The following GREM2 variants were observed in gnomAD, a reference collection of about 807,000 sequenced individuals.
GREM2 encodes the protein gremlin-2.
A neutral mutation model predicts 14.2 loss-of-function variants in GREM2; 11 were observed. The observed-to-expected ratio is 0.78, with a 90% confidence interval of 0.49 to 1.28. The LOEUF (loss-of-function observed/expected upper bound fraction) is 1.28, where lower values mean the gene tolerates loss of function less well. Ranked by LOEUF, GREM2 falls within the 50% of genes most tolerant of loss-of-function variation. GREM2 has a pLI of 0.00. For synonymous variants in GREM2, 98 were observed against 97.6 expected, an observed-to-expected ratio of 1.00 and a Z score of -0.02; for missense variants, 210 against 218.5, an observed-to-expected ratio of 0.96 and a Z score of 0.24.
At position 240,494,879 on chromosome 1, in the gene GREM2, C is replaced by T. The variant is rs539998787; in HGVS notation, c.-1-1403G>A. ...TGGCGTCACTGTATTCCAGCCTGTG[C>T]GACAGAGTGAGACTCCGGCTCAGAA... On this transcript the variant is annotated intron_variant, in intron 1 of 1. Transcript: ENST00000318160. Among the ~76,000 whole-genome samples the T allele has an allele frequency of 1.6e-4, 24 of 151,558 alleles. No individual in the cohort carries two copies. In the South Asian group the frequency reaches 4.6e-3, roughly 29 times the overall value.
chr1:240,595,111 C>T (rs1382370936), intron 1 of GREM2, among the ~76,000 whole-genome samples: 5 of 152,162 alleles, frequency 3.3e-5, no homozygotes, highest in Non-Finnish European at 7.4e-5. Flanking sequence ...TATGGCCGGG[C>T]GTGGTGGCTC....
rs202232959 is a variant in GREM2 at position 240,493,540 on chromosome 1, TA to T, written c.-1-65del. 514 of 1,403,180 alleles carry T rather than the reference TA, an allele frequency of 3.7e-4. 3 individuals are homozygous for T. The highest frequency in any genetic ancestry group is 1.2e-3 in the South Asian group (78 of 63,370). The allele number at this position is 1,403,180 out of a possible 1,614,324, so 86.9% of individuals were successfully genotyped here. ...CGTAGAGTACGGGATCAATCTTACT[TA>T]TTTTTTTTTTTATTTTAGACATGGT... On this transcript the variant is annotated intron_variant, in intron 1 of 1. Coordinates refer to ENST00000318160, the MANE Select transcript of GREM2 (RefSeq NM_022469.4).
intron 1 of GREM2, among the ~76,000 whole-genome samples, chr1:240,603,120 A>ATGCGG (rs1270967683): frequency 4.6e-5 from 7 of 152,128 alleles, no homozygotes; most frequent in Non-Finnish European, 1.0e-4. Context: ...AAGGCGGTGA[A>ATGCGG]TGCGGTGCGG....
intron 1 of GREM2, among the ~76,000 whole-genome samples, chr1:240,528,918 G>A (rs1043181441): frequency 6.6e-6 from 1 of 152,124 alleles, no homozygotes; most frequent in African/African-American, 2.4e-5. Context: ...CTACATCCCC[G>A]AGAAAGGGCT....
intron 1 of GREM2, among the ~76,000 whole-genome samples, chr1:240,501,598 G>A (rs1677569713): frequency 6.6e-6 from 1 of 152,144 alleles, no homozygotes; most frequent in African/African-American, 2.4e-5. Flanking sequence ...AATTAAATAA[G>A]GAGATGAATG....
intron 1 of GREM2, among the ~76,000 whole-genome samples, chr1:240,574,725 T>C (rs1312186227): frequency 6.6e-6 from 1 of 152,092 alleles, no homozygotes; most frequent in African/African-American, 2.4e-5. Flanking sequence ...TGGTGATCAG[T>C]ATGGCCTGTA....
In GREM2 at chr1:240,491,089, C is replaced by T. The variant is rs915077073; in HGVS notation, c.*1880G>A. On this transcript the variant is annotated 3_prime_UTR_variant, in exon 2 of 2. Transcript: ENST00000318160. Reference sequence around the variant, plus strand: ...CCCATTTATGAAACCAAGACCCCCTCTGCCACAGCACATTCTTGCTCAGGT... The same window carrying T: ...CCCATTTATGAAACCAAGACCCCCTTTGCCACAGCACATTCTTGCTCAGGT... 2.6e-5 allele frequency: 4 copies of T among 152,258 alleles called. No individual in the cohort carries two copies. The highest frequency in any genetic ancestry group is 4.4e-5 in the Non-Finnish European group (3 of 68,084). The allele number at this position is 152,258 out of a possible 1,614,324, so 9.4% of individuals were successfully genotyped here. A position where few individuals can be genotyped will look rare whatever the true frequency, so the allele number is the denominator to read the frequency against.
chr1:240,602,819 A>G (rs1173621988), intron 1 of GREM2, among the ~76,000 whole-genome samples: 1 of 150,836 alleles, frequency 6.6e-6, no homozygotes, highest in South Asian at 2.1e-4. Flanking sequence ...TCTCAAAAAA[A>G]ATCCAGCACT....
intron 1 of GREM2, among the ~76,000 whole-genome samples, chr1:240,551,390 C>T (rs1291620173): frequency 6.6e-6 from 1 of 152,018 alleles, no homozygotes; most frequent in Non-Finnish European, 1.5e-5. Context: ...GCTCTGTCAC[C>T]CAGGCTGATG....
At chr1:240,603,557 G>A (rs1379462034) in intron 1 of GREM2, among the ~76,000 whole-genome samples, 2 of 151,818 alleles carry the variant, frequency 1.3e-5, no homozygotes, top group African/African-American at 4.8e-5. Flanking sequence ...GGCTCACATG[G>A]CTACCCATCC....
intron 1 of GREM2, among the ~76,000 whole-genome samples, chr1:240,559,366 CAG>C (rs1424888168): frequency 2.6e-5 from 3 of 116,050 alleles, no homozygotes; most frequent in African/African-American, 1.0e-4. Context: ...TTTTTTGAGA[CAG>C]AGTCTTGCTC....
At chr1:240,498,049 C>T (rs9662969) in intron 1 of GREM2, among the ~76,000 whole-genome samples, 5,167 of 152,182 alleles carry the variant, frequency 0.034, 324 homozygotes, top group African/African-American at 0.12. Context: ...CAAAAATGCA[C>T]GCTTTCCTTC....
intron 1 of GREM2, among the ~76,000 whole-genome samples, chr1:240,522,017 G>A (rs1369394492): frequency 1.3e-5 from 2 of 151,348 alleles, no homozygotes; most frequent in Middle Eastern, 3.4e-3. Context: ...CTACTCGGGA[G>A]GCTGATGTAG....
intron 1 of GREM2, among the ~76,000 whole-genome samples, chr1:240,562,198 G>A (rs1294665049): frequency 6.6e-6 from 1 of 152,166 alleles, no homozygotes; most frequent in Non-Finnish European, 1.5e-5. Flanking sequence ...GGCAGATGAT[G>A]CAATTGCCTG....
chr1:240,556,204 T>C (rs1204976675), intron 1 of GREM2, among the ~76,000 whole-genome samples: 1 of 152,200 alleles, frequency 6.6e-6, no homozygotes, highest in Non-Finnish European at 1.5e-5. Context: ...AGGGAGGCCA[T>C]GTGCTAAGGT....
At chr1:240,536,899 G>A (rs1333875625) in intron 1 of GREM2, among the ~76,000 whole-genome samples, 1 of 152,206 alleles carries the variant, frequency 6.6e-6, no homozygotes, top group Non-Finnish European at 1.5e-5. Flanking sequence ...AGACAGGGAG[G>A]TTTGGAAGGA....
At chr1:240,545,573 T>G (rs1678700117) in intron 1 of GREM2, among the ~76,000 whole-genome samples, 1 of 152,264 alleles carries the variant, frequency 6.6e-6, no homozygotes, top group South Asian at 2.1e-4. Context: ...TAGGACTTAA[T>G]GCTTGGCATC....
chr1:240,562,977 T>C (rs1363861855), intron 1 of GREM2, among the ~76,000 whole-genome samples: 1 of 148,002 alleles, frequency 6.8e-6, no homozygotes, highest in Non-Finnish European at 1.5e-5. Context: ...TGTATGTGTG[T>C]ATATGTAAGT....
Position 240,493,219 on chromosome 1 carries a change from C to T in GREM2, c.257G>A (p.Gly86Asp). Reference protein sequence around the residue: ...QPLRQTVSEEGCRSRTILNRF... With the variant: ...QPLRQTVSEEDCRSRTILNRF... ...GTTGAGGATGGTGCGGCTCCGGCAG[C>T]CCTCCTCGCTCACCGTCTGCCGCAG... The change falls in exon 2 of 2, where the codon GGC becomes GAC. Residue 86 changes from glycine to aspartate, a missense_variant. Transcript: ENST00000318160. 6.2e-7 allele frequency: 1 copy of T among 1,614,052 alleles called. No homozygotes were observed. Among genetic ancestry groups the T allele is most frequent in the Non-Finnish European group, 8.5e-7 (1 of 1,180,038 alleles).
Sources: allele counts gnomAD v4.1 joint callset (sites outside exome capture counted in the v4.1 genomes callset), GRCh38; gene constraint gnomAD v4.1.1; transcripts MANE v1.5; gene names NCBI Gene and HGNC (gene_info 2026-07-23, HGNC 2026-07-21).